Variants in SPTB observed in about 807,000 individuals in gnomAD.
SPTB encodes spectrin beta, erythrocytic.
SPTB carries 45 observed loss-of-function variants against 256.2 expected under a neutral mutation model. That is an observed-to-expected ratio of 0.18 (90% CI 0.14 to 0.23). SPTB has a LOEUF of 0.23. SPTB is among the 10% of genes least tolerant of loss of function. The pLI, the probability that SPTB is intolerant of heterozygous loss-of-function variation, is 1.00. For synonymous variants in SPTB, 1,231 were observed against 1,243.1 expected, an observed-to-expected ratio of 0.99 and a Z score of 0.21; for missense variants, 2,715 against 3,040.4, an observed-to-expected ratio of 0.89 and a Z score of 2.52.
At chr14:64,856,846 G>C (rs1184290828) in intron 1 of SPTB, among the ~76,000 whole-genome samples, 3 of 152,218 alleles carry the variant, frequency 2.0e-5, no homozygotes. Flanking sequence ...AAGGAAGGAT[G>C]GCTCCAGAGA....
At position 64,754,045 on chromosome 14, in the gene SPTB, C is replaced by G. The variant is rs139169349; in HGVS notation, c.6346-252G>C. ...CTTCAGAGAGCTGCAGGGTGGCCCC[C>G]TCTCTCCAATGTAACATAGCAACGG... is the stretch of plus-strand genomic sequence containing the variant. On this transcript the variant is annotated intron_variant, in intron 32 of 35. Transcript: ENST00000644917. The G allele has an allele frequency of 4.3e-4, 259 of 604,210 alleles. 1 individual carries two copies. The highest frequency in any genetic ancestry group is 4.3e-3 in the African/African-American group (231 of 54,310). 37.4% of individuals were successfully genotyped at this position (604,210 alleles called of 1,614,324 possible).
intron 1 of SPTB, among the ~76,000 whole-genome samples, chr14:64,859,639 G>C (rs940728108): frequency 6.6e-6 from 1 of 152,050 alleles, no homozygotes; most frequent in Non-Finnish European, 1.5e-5. Context: ...AGTTATTTGG[G>C]AGGCTGAGGT....
In SPTB at chr14:64,873,606, G is replaced by C. The variant is rs768184663; in HGVS notation, c.-52+6186C>G. Among the ~76,000 whole-genome samples, 17 of 152,092 alleles carry C rather than the reference G, an allele frequency of 1.1e-4. No individual in the cohort carries two copies. Among genetic ancestry groups the C allele is most frequent in the Non-Finnish European group, 2.1e-4 (14 of 68,022 alleles). On this transcript the variant is annotated intron_variant, in intron 1 of 35. Transcript: ENST00000644917. This position sits in a 1 kb window ranked among gnomAD's most constrained non-coding sequence, Gnocchi z 4.3. ...GCCATTCTTGAGGTTCTGTGGCTAT[G>C]GTAAAGGGTAATACCATTAACAAGT...
chr14:64,805,159 G>C, intron 2 of SPTB, 69 bp from the exon 3 acceptor site: 1 of 1,584,126 alleles, frequency 6.3e-7, no homozygotes, highest in East Asian at 2.2e-5. Flanking sequence ...GGGGCCAAGG[G>C]GTTTTACCTT....
chr14:64,768,193 C>G, intron 29 of SPTB: 1 of 395,530 alleles, frequency 2.5e-6, no homozygotes, highest in East Asian at 5.8e-5. Flanking sequence ...AGGTGTGCAC[C>G]ACCATGCCCA....
intron 32 of SPTB, among the ~76,000 whole-genome samples, chr14:64,761,351 C>T (rs172966): frequency 0.31 from 47,261 of 152,100 alleles, 9,836 homozygotes; most frequent in African/African-American, 0.6. Flanking sequence ...CAGAGACAGA[C>T]GCCTTAAAGG....
chr14:64,847,512 G>A lies in SPTB; in HGVS notation c.-51-24367C>T, dbSNP rs1339197754. Among the ~76,000 whole-genome samples the A allele has an allele frequency of 6.6e-6, 1 of 151,528 alleles. No homozygotes were observed. The highest frequency in any genetic ancestry group is 2.4e-5 in the African/African-American group (1 of 41,170). ...CAGGTACCTTCCCAGGTTGGTGCTA[G>A]CTCCTTTCAAGCTACATTGGCTTTG... On this transcript the variant is annotated intron_variant, in intron 1 of 35. Coordinates refer to ENST00000644917, the MANE Select transcript of SPTB (RefSeq NM_001355436.2). This position sits in a 1 kb window ranked among gnomAD's most constrained non-coding sequence, Gnocchi z 5.9.
At chr14:64,835,461 G>A (rs947356979) in intron 1 of SPTB, among the ~76,000 whole-genome samples, 2 of 152,176 alleles carry the variant, frequency 1.3e-5, no homozygotes, top group African/African-American at 4.8e-5. Context: ...GGTCAGGCTG[G>A]TCTCGAACTC....
chr14:64,771,647 T>G (rs1435520979), intron 26 of SPTB, among the ~76,000 whole-genome samples: 1 of 152,130 alleles, frequency 6.6e-6, no homozygotes, highest in Non-Finnish European at 1.5e-5. Context: ...AGGAAGTGGT[T>G]GCACCAGATC....
At chr14:64,870,365 G>T (rs1882457548) in intron 1 of SPTB, among the ~76,000 whole-genome samples, 1 of 150,814 alleles carries the variant, frequency 6.6e-6, no homozygotes, top group South Asian at 2.1e-4. Flanking sequence ...AGGGCAAACA[G>T]CAAGAGGAAA....
At chr14:64,854,976 C>T (rs914663696) in intron 1 of SPTB, among the ~76,000 whole-genome samples, 27 of 152,288 alleles carry the variant, frequency 1.8e-4, no homozygotes, top group Middle Eastern at 6.8e-3. Context: ...CAGGAAGTGG[C>T]GCCTGAATGA....
rs572864490 is a variant in SPTB, at chr14:64,777,413, T to C, written c.4563+1744A>G. On this transcript the variant is annotated intron_variant, in intron 22 of 35. Transcript: ENST00000644917. This position sits in a 1 kb window ranked among gnomAD's most constrained non-coding sequence, Gnocchi z 4.5. ...AGGGGCCTACCCCCAGAGATCCTAA[T>C]TGATCTGAGGTGAGACCTGGGCATT... Among the ~76,000 whole-genome samples the C allele has an allele frequency of 2.6e-5, 4 of 152,130 alleles. No homozygotes were observed. Among genetic ancestry groups the C allele is most frequent in the Non-Finnish European group, 4.4e-5 (3 of 68,010 alleles).
intron 20 of SPTB, 98 bp from the exon 21 acceptor site, chr14:64,780,029 A>T: frequency 9.3e-7 from 1 of 1,073,944 alleles, no homozygotes; most frequent in Non-Finnish European, 1.4e-6. Flanking sequence ...TTTAAGGCCC[A>T]ATTTGAGCTC....
chr14:64,838,502 G>C (rs958795378), intron 1 of SPTB, among the ~76,000 whole-genome samples: 1 of 152,134 alleles, frequency 6.6e-6, no homozygotes, highest in Non-Finnish European at 1.5e-5. Flanking sequence ...ATCTGATAAA[G>C]TAGTTGTATT....
Position 64,749,526 on chromosome 14 carries a change from C to T in SPTB, c.6820-53G>A, listed in dbSNP as rs1220168758. The T allele has an allele frequency of 1.8e-5, 28 of 1,598,352 alleles. No individual in the cohort carries two copies. Among genetic ancestry groups the T allele is most frequent in the Non-Finnish European group, 2.3e-5 (27 of 1,177,564 alleles). On this transcript the variant is annotated intron_variant, in intron 35 of 35. Transcript: ENST00000644917. The surrounding 1 kb of genome is among the most constrained non-coding windows in gnomAD (Gnocchi z 4.7). ...CTGGAGGCCCACAGCCCCCCACCTC[C>T]CGGGCCAGGCAACAATGGTGGGGGC...
intron 1 of SPTB, among the ~76,000 whole-genome samples, chr14:64,838,135 G>C (rs1050712510): frequency 6.6e-6 from 1 of 152,172 alleles, no homozygotes; most frequent in African/African-American, 2.4e-5. Context: ...ATTTCCAACA[G>C]AGGTACAAAA....
rs2139581266 is a variant in SPTB at position 64,790,239 on chromosome 14, G to A, written c.2804+1480C>T. ...TCGGGTTTTTTTCTCACTTAAGGAT[G>A]GCAGGTACCTTGATATTTTTCTCTT... On this transcript the variant is annotated intron_variant, in intron 15 of 35. Coordinates refer to ENST00000644917, the MANE Select transcript of SPTB (RefSeq NM_001355436.2). The surrounding 1 kb of genome is among the most constrained non-coding windows in gnomAD (Gnocchi z 4.8). 6.6e-6 allele frequency among the ~76,000 whole-genome samples: 1 copy of A among 152,146 alleles called. No homozygotes were observed. The highest frequency in any genetic ancestry group is 2.1e-4 in the South Asian group (1 of 4,808).
chr14:64,844,035 C>T lies in SPTB; in HGVS notation c.-51-20890G>A, dbSNP rs1166535704. Reference sequence around the variant, plus strand: ...TTTTTAATTATAAAAGTGACATATGCCAGGTCTTTAGCAAATCCCAACAAA... The same window carrying T: ...TTTTTAATTATAAAAGTGACATATGTCAGGTCTTTAGCAAATCCCAACAAA... On this transcript the variant is annotated intron_variant, in intron 1 of 35. Coordinates refer to ENST00000644917, the MANE Select transcript of SPTB (RefSeq NM_001355436.2). The surrounding 1 kb of genome is among the most constrained non-coding windows in gnomAD (Gnocchi z 4.1). Among the ~76,000 whole-genome samples the T allele has an allele frequency of 6.6e-6, 1 of 152,116 alleles. No homozygotes were observed. The highest frequency in any genetic ancestry group is 1.5e-5 in the Non-Finnish European group (1 of 68,022).
In SPTB at chr14:64,794,637, A is replaced by C. The variant is rs769976792; in HGVS notation, c.1645-20T>G. 6 of 1,612,028 alleles carry C rather than the reference A, an allele frequency of 3.7e-6. No individual in the cohort carries two copies. The highest frequency in any genetic ancestry group is 5.1e-6 in the Non-Finnish European group (6 of 1,179,238). ...GTGAGCCTGGCAAAGAGAACAGCAG[A>C]AAGGAAATGAGGAGAAGTGAAGAGA... On this transcript the variant is annotated intron_variant, in intron 12 of 35. Transcript: ENST00000644917.
Sources: gnomAD v4.1 joint callset for allele counts (sites outside exome capture counted in the v4.1 genomes callset) on GRCh38, gnomAD v4.1.1 for gene constraint, Gnocchi (gnomAD v3.1) non-coding constraint, MANE v1.5 for transcripts, NCBI Gene and HGNC (gene_info 2026-07-23, HGNC 2026-07-21) for gene names.